The following MBTPS1 variants were observed in gnomAD, a reference collection of about 807,000 sequenced individuals.
MBTPS1 encodes membrane bound transcription factor peptidase, site 1.
Under a neutral mutation model 127.8 loss-of-function variants are expected in MBTPS1, and 94 were observed. The ratio of observed to expected loss-of-function variants is 0.74; its 90% confidence interval spans 0.62 to 0.87. The LOEUF (loss-of-function observed/expected upper bound fraction) is 0.87. MBTPS1 is among the 40% of genes least tolerant of loss of function. The probability of loss-of-function intolerance (pLI) is 0.00; values close to 1 mark genes in which losing one functional copy is unlikely to be tolerated. For synonymous variants in MBTPS1, 632 were observed against 509.4 expected, an observed-to-expected ratio of 1.24 and a Z score of -3.24; for missense variants, 1,636 against 1,353.2, an observed-to-expected ratio of 1.21 and a Z score of -3.28.
chr16:84,059,448 C>G lies in MBTPS1; in HGVS notation c.2705-20G>C, dbSNP rs1421625831. 1.3e-6 allele frequency: 2 copies of G among 1,596,166 alleles called. No individual in the cohort carries two copies. The highest frequency in any genetic ancestry group is 1.8e-5 in the Admixed American group (1 of 56,438). On this transcript the variant is annotated intron_variant, in intron 20 of 22. Coordinates refer to ENST00000343411, the MANE Select transcript of MBTPS1 (RefSeq NM_003791.4). ...GGTTTCCTGTGGTTAGCAGCAACAT[C>G]AACAAAAAGGAAAATCATCTCTATT...
At chr16:84,116,456 G>A (rs554553654) in intron 1 of MBTPS1, among the ~76,000 whole-genome samples, 1 of 152,250 alleles carries the variant, frequency 6.6e-6, no homozygotes, top group Admixed American at 6.5e-5. Context: ...CTCCGGGCCA[G>A]AGCAGGGCGT....
At chr16:84,106,995 G>T (rs981041304) in intron 1 of MBTPS1, among the ~76,000 whole-genome samples, 1 of 152,202 alleles carries the variant, frequency 6.6e-6, no homozygotes, top group Non-Finnish European at 1.5e-5. Context: ...CAGGAAAGCT[G>T]ACTTGGGAGA....
At chr16:84,091,175 C>T (rs111253672) in intron 7 of MBTPS1, among the ~76,000 whole-genome samples, 73 of 152,260 alleles carry the variant, frequency 4.8e-4, no homozygotes, top group African/African-American at 1.3e-3. Context: ...GAGGAAAACA[C>T]GAATTGCATG....
At chr16:84,073,391 C>CAA (rs1226652019) in intron 12 of MBTPS1, among the ~76,000 whole-genome samples, 1 of 152,116 alleles carries the variant, frequency 6.6e-6, no homozygotes, top group Non-Finnish European at 1.5e-5. Context: ...CTCAGCCTCT[C>CAA]AAAGTGCTGG....
At chr16:84,116,667 C>G (rs546101741) in intron 1 of MBTPS1, 68 bp downstream of exon 1, 1 of 152,108 alleles carries the variant, frequency 6.6e-6, no homozygotes, top group Non-Finnish European at 1.5e-5. Flanking sequence ...ACCGGCACAC[C>G]TGAGCGAGCG....
chr16:84,082,072 C>A (rs910135427), intron 10 of MBTPS1, 164 bp from the exon 11 acceptor site: 13 of 437,188 alleles, frequency 3.0e-5, no homozygotes, highest in Non-Finnish European at 5.0e-5. Context: ...AGTGCACACT[C>A]ATCTCTGTAC....
In MBTPS1 at chr16:84,059,279, G is replaced by A. The variant is rs1346964280; in HGVS notation, c.2831+23C>T. 3.1e-6 allele frequency: 5 copies of A among 1,603,918 alleles called. No homozygotes were observed. The South Asian group carries it at 5.5e-5, about 18-fold the overall frequency. On this transcript the variant is annotated intron_variant, in intron 21 of 22. Coordinates refer to ENST00000343411, the MANE Select transcript of MBTPS1 (RefSeq NM_003791.4). ...ACTCACAAGCCCCGTGGAAAGAGTG[G>A]AAGGGCACAGGCGGACACTAACCTG...
chr16:84,063,066 G>A (rs1029110243), intron 19 of MBTPS1, among the ~76,000 whole-genome samples: 2 of 152,266 alleles, frequency 1.3e-5, no homozygotes. Context: ...AGGTGAAGAT[G>A]GAGAAGAGGC....
rs770400876 is a variant in MBTPS1 at position 84,065,779 on chromosome 16, T to C, written c.2354-12A>G. 2 of 1,547,290 alleles carry C rather than the reference T, an allele frequency of 1.3e-6. No individual in the cohort carries two copies. Among genetic ancestry groups the C allele is most frequent in the African/African-American group, 1.4e-5 (1 of 71,488 alleles). On this transcript the variant is annotated splice_polypyrimidine_tract_variant and intron_variant, in intron 17 of 22. Transcript: ENST00000343411. The stretch of plus-strand genomic sequence containing the variant: ...TGACGCATAATACACTAGGAAAGAG[T>C]GTTCAAAGTCAAGGGAACACAGGAA...
chr16:84,115,942 T>C (rs1300809904), intron 1 of MBTPS1, among the ~76,000 whole-genome samples: 1 of 14,830 alleles, frequency 6.7e-5, no homozygotes, highest in Non-Finnish European at 1.1e-4. Context: ...ATTCTCCAGA[T>C]TGAAAAAAAA....
intron 22 of MBTPS1, among the ~76,000 whole-genome samples, chr16:84,055,422 C>T (rs1001994947): frequency 2.1e-4 from 32 of 152,292 alleles, no homozygotes; most frequent in African/African-American, 5.5e-4. Flanking sequence ...TGCCCAGGCT[C>T]GGCTGGAAAG....
At chr16:84,059,520 C>T (rs888774677) in intron 20 of MBTPS1, 92 bp from the exon 21 acceptor site, 3 of 1,234,966 alleles carry the variant, frequency 2.4e-6, no homozygotes, top group African/African-American at 3.0e-5. Flanking sequence ...AGTCTGTCTG[C>T]TTTCCCACAA....
At chr16:84,073,136 ATTT>A (rs1009299825) in intron 12 of MBTPS1, among the ~76,000 whole-genome samples, 3 of 152,186 alleles carry the variant, frequency 2.0e-5, no homozygotes, top group African/African-American at 7.2e-5. Context: ...ATATAGTTGA[ATTT>A]TTCTTTTCTT....
intron 11 of MBTPS1, chr16:84,075,526 G>T (rs1245477620): frequency 1.4e-5 from 2 of 138,500 alleles, no homozygotes; most frequent in Admixed American, 1.4e-4. Context: ...CGTGACCCAC[G>T]ATGGCCTCCC....
At chr16:84,107,868 A>AT (rs66777766) in intron 1 of MBTPS1, among the ~76,000 whole-genome samples, 71,810 of 133,406 alleles carry the variant, frequency 0.54, 19,604 homozygotes, top group East Asian at 0.79. Context: ...TGTCCAGCTA[A>AT]TTTTTTTTTT....
At chr16:84,108,702 G>A (rs1378583229) in intron 1 of MBTPS1, among the ~76,000 whole-genome samples, 7 of 152,338 alleles carry the variant, frequency 4.6e-5, no homozygotes, top group Non-Finnish European at 1.0e-4. Context: ...GAGTCTGAGC[G>A]GAGTGAGGAA....
chr16:84,108,429 A>G (rs2086354878), intron 1 of MBTPS1, among the ~76,000 whole-genome samples: 1 of 152,026 alleles, frequency 6.6e-6, no homozygotes, highest in Non-Finnish European at 1.5e-5. Context: ...ACACCCAGCT[A>G]ATTTTTGTAT....
intron 11 of MBTPS1, among the ~76,000 whole-genome samples, chr16:84,077,150 A>C (rs543898493): frequency 1.3e-3 from 200 of 151,238 alleles, no homozygotes; most frequent in African/African-American, 4.5e-3. Context: ...ACCTGAGCCC[A>C]GATGGCAGAG....
intron 11 of MBTPS1, 177 bp from the exon 12 acceptor site, chr16:84,074,918 C>G: frequency 1.9e-6 from 1 of 520,384 alleles, no homozygotes; most frequent in Non-Finnish European, 3.4e-6. Context: ...CAGATAAGGC[C>G]TCTGTGCCAG....
Sources: allele counts gnomAD v4.1 joint callset (sites outside exome capture counted in the v4.1 genomes callset), GRCh38; gene constraint gnomAD v4.1.1; transcripts MANE v1.5; gene names NCBI Gene and HGNC (gene_info 2026-07-23, HGNC 2026-07-21).